DAZAP1: variants seen among roughly 807,000 people sequenced by gnomAD.
DAZAP1 encodes the protein DAZ associated protein 1.
Under a neutral mutation model 60.1 loss-of-function variants are expected in DAZAP1, and 6 were observed. The observed-to-expected ratio is 0.10, with a 90% CI of 0.05 to 0.20. DAZAP1 has a LOEUF of 0.20. DAZAP1 is among the 10% of genes least tolerant of loss of function. The probability of loss-of-function intolerance (pLI) is 1.00; values close to 1 mark genes in which losing one functional copy is unlikely to be tolerated. For missense variants in DAZAP1, 366 were observed against 560.4 expected (o/e 0.65, Z 3.50); for synonymous variants, 235 against 215.9 (o/e 1.09, Z -0.78).
chr19:1,407,965 T>C (rs2082712313), intron 1 of DAZAP1, among the ~76,000 whole-genome samples, 163 bp downstream of exon 1: 1 of 150,780 alleles, frequency 6.6e-6, no homozygotes, highest in Non-Finnish European at 1.5e-5. Context: ...CCGGGGGCCC[T>C]GGACGGGTGC....
rs2083179135 is a variant in DAZAP1, at chr19:1,422,255, A to G, written c.415-93A>G. Reference sequence around the variant, plus strand: ...GCTCAGGGAGGGCGCACCCTGTGCGAGAGTTTGGGTTCGTGGGAACAGGCT... The same window carrying G: ...GCTCAGGGAGGGCGCACCCTGTGCGGGAGTTTGGGTTCGTGGGAACAGGCT... On this transcript the variant is annotated intron_variant, in intron 5 of 11. Transcript: ENST00000233078. This position sits in a 1 kb window ranked among gnomAD's most constrained non-coding sequence, Gnocchi z 4.5. 4 of 1,195,178 alleles carry G rather than the reference A, an allele frequency of 3.3e-6. No homozygotes were observed. The highest frequency in any genetic ancestry group is 2.5e-6 in the Non-Finnish European group (2 of 809,670). The allele number at this position is 1,195,178 out of a possible 1,614,324, so 74.0% of individuals were successfully genotyped here.
At chr19:1,417,627 T>C in intron 2 of DAZAP1, 87 bp downstream of exon 2, 1 of 1,248,674 alleles carries the variant, frequency 8.0e-7, no homozygotes, top group East Asian at 2.5e-5. Flanking sequence ...CTCTTGCTAC[T>C]GTCTTGGATA....
At position 1,425,163 on chromosome 19, in the gene DAZAP1, A is replaced by G. The variant is rs955299887; in HGVS notation, c.464-715A>G. 3.3e-5 allele frequency among the ~76,000 whole-genome samples: 5 copies of G among 152,292 alleles called. No individual in the cohort carries two copies. The highest frequency in any genetic ancestry group is 9.6e-5 in the African/African-American group (4 of 41,542). ...CTTTGTGCATTGTTTCTCTACCTGT[A>G]TAGAACATGCATAGATGTCTACGAT... On this transcript the variant is annotated intron_variant, in intron 6 of 11. Coordinates refer to ENST00000233078, the MANE Select transcript of DAZAP1 (RefSeq NM_018959.4). The surrounding 1 kb of genome is among the most constrained non-coding windows in gnomAD (Gnocchi z 5.4).
At chr19:1,420,338 G>A (rs1162948900) in intron 4 of DAZAP1, among the ~76,000 whole-genome samples, 2 of 82,080 alleles carry the variant, frequency 2.4e-5, no homozygotes, top group African/African-American at 4.9e-5. Flanking sequence ...AAACCACCCC[G>A]AACGTCACGG....
At chr19:1,429,028 TC>T (rs745675151) in intron 8 of DAZAP1, 33 bp downstream of exon 8, 477 of 1,539,338 alleles carry the variant, frequency 3.1e-4, no homozygotes, top group Admixed American at 4.4e-4. Context: ...CACGGGAATG[TC>T]CCCCTTCTCG....
Position 1,425,638 on chromosome 19 carries a change from C to T in DAZAP1, c.464-240C>T, listed in dbSNP as rs2083288948. ...CGGGGTGTCTGGGGCGGAGGCTTGA[C>T]TCAGGCCTCAGTCAGCAGAGCCGTC... On this transcript the variant is annotated intron_variant, in intron 6 of 11. Coordinates refer to ENST00000233078, the MANE Select transcript of DAZAP1 (RefSeq NM_018959.4). The surrounding 1 kb of genome is among the most constrained non-coding windows in gnomAD (Gnocchi z 5.4). Among the ~76,000 whole-genome samples the T allele has an allele frequency of 6.6e-6, 1 of 152,200 alleles. No homozygotes were observed. The highest frequency in any genetic ancestry group is 2.1e-4 in the South Asian group (1 of 4,838).
chr19:1,421,279 G>T, intron 5 of DAZAP1, 21 bp downstream of exon 5: 2 of 1,599,334 alleles, frequency 1.3e-6, no homozygotes, highest in Non-Finnish European at 1.7e-6. Context: ...CCCCACCCCG[G>T]CAGCACTGTG....
rs2083559782 is a variant in DAZAP1, at chr19:1,434,937, G to A, written c.*25G>A. 10 of 1,261,594 alleles carry A rather than the reference G, an allele frequency of 7.9e-6. No individual in the cohort carries two copies. The highest frequency in any genetic ancestry group is 3.7e-5 in the South Asian group (2 of 54,424). The allele number at this position is 1,261,594 out of a possible 1,614,324, so 78.1% of individuals were successfully genotyped here. A position where few individuals can be genotyped will look rare whatever the true frequency, so the allele number is the denominator to read the frequency against. On this transcript the variant is annotated 3_prime_UTR_variant, in exon 12 of 12. Transcript: ENST00000233078. The surrounding 1 kb of genome is among the most constrained non-coding windows in gnomAD (Gnocchi z 8.0). The stretch of plus-strand genomic sequence containing the variant: ...GCCCGCGGCGCCGCGACGTCTGCAC[G>A]GCCCAGACCCAGGATTCCAAACTTG...
Position 1,423,147 on chromosome 19 carries a change from G to A in DAZAP1, c.463+751G>A, listed in dbSNP as rs906582626. ...ACGTCCGTGCCGCCCCCGCACCACC[G>A]GCCCAGGTCAGTCGGGGCAGCCCCG... On this transcript the variant is annotated intron_variant, in intron 6 of 11. Transcript: ENST00000233078. The surrounding 1 kb of genome is among the most constrained non-coding windows in gnomAD (Gnocchi z 6.8). Among the ~76,000 whole-genome samples the A allele has an allele frequency of 2.0e-5, 3 of 151,630 alleles. No homozygotes were observed. Among genetic ancestry groups the A allele is most frequent in the South Asian group, 4.2e-4 (2 of 4,788 alleles).
At position 1,418,432 on chromosome 19, in the gene DAZAP1, T is replaced by G; in HGVS notation, c.237+62T>G. 6.3e-7 allele frequency: 1 copy of G among 1,579,018 alleles called. No individual in the cohort carries two copies. The highest frequency in any genetic ancestry group is 8.7e-7 in the Non-Finnish European group (1 of 1,154,140). On this transcript the variant is annotated intron_variant, in intron 3 of 11. Transcript: ENST00000233078. The surrounding 1 kb of genome is among the most constrained non-coding windows in gnomAD (Gnocchi z 5.7). The stretch of plus-strand genomic sequence containing the variant: ...TCTCCCCTGTCCTTCCTCTGCTTCA[T>G]TTTTTCCTGGACTCTGACCGATGTT...
In DAZAP1 at chr19:1,434,967, C is replaced by T. The variant is rs1356164166; in HGVS notation, c.*55C>T. On this transcript the variant is annotated 3_prime_UTR_variant, in exon 12 of 12. Coordinates refer to ENST00000233078, the MANE Select transcript of DAZAP1 (RefSeq NM_018959.4). This position sits in a 1 kb window ranked among gnomAD's most constrained non-coding sequence, Gnocchi z 8.0. ...AGACCCAGGATTCCAAACTTGTGAA[C>T]TCGTGACAATCACAAACTTGGCGGC... is the stretch of plus-strand genomic sequence containing the variant. The T allele has an allele frequency of 8.4e-7, 1 of 1,184,540 alleles. No individual in the cohort carries two copies. Among genetic ancestry groups the T allele is most frequent in the East Asian group, 3.5e-5 (1 of 28,404 alleles). The allele number at this position is 1,184,540 out of a possible 1,614,324, so 73.4% of individuals were successfully genotyped here.
chr19:1,414,800 A>G (rs968762320), intron 1 of DAZAP1, among the ~76,000 whole-genome samples: 3 of 151,560 alleles, frequency 2.0e-5, no homozygotes, highest in African/African-American at 7.3e-5. Context: ...TTATTTTTTT[A>G]ATTTTATTTA....
At chr19:1,420,338 G>T (rs1162948900) in intron 4 of DAZAP1, among the ~76,000 whole-genome samples, 1 of 82,122 alleles carries the variant, frequency 1.2e-5, no homozygotes, top group African/African-American at 4.9e-5. Flanking sequence ...AAACCACCCC[G>T]AACGTCACGG....
At chr19:1,419,899 C>A (rs566366022) in intron 4 of DAZAP1, among the ~76,000 whole-genome samples, 1 of 141,810 alleles carries the variant, frequency 7.1e-6, no homozygotes, top group African/African-American at 2.7e-5. Flanking sequence ...CGCACACACT[C>A]ATGAAACCAT....
At chr19:1,427,821 G>A (rs931448089) in intron 7 of DAZAP1, 3 of 152,310 alleles carry the variant, frequency 2.0e-5, no homozygotes, top group Non-Finnish European at 4.4e-5. Context: ...TTCTCTAACA[G>A]GCAGAACTGA....
Position 1,433,170 on chromosome 19 carries a change from G to T in DAZAP1, c.1048+480G>T, listed in dbSNP as rs1431625538. ...CTTCACCCTGGACTGGATGGCTGTC[G>T]TGGCTTGGGTCTGCCTGGACGTGAT... On this transcript the variant is annotated intron_variant, in intron 11 of 11. Coordinates refer to ENST00000233078, the MANE Select transcript of DAZAP1 (RefSeq NM_018959.4). The surrounding 1 kb of genome is among the most constrained non-coding windows in gnomAD (Gnocchi z 6.1). 4 of 182,468 alleles carry T rather than the reference G, an allele frequency of 2.2e-5. No individual in the cohort carries two copies. The highest frequency in any genetic ancestry group is 4.6e-5 in the Non-Finnish European group (4 of 86,658). 11.3% of individuals were successfully genotyped at this position (182,468 alleles called of 1,614,324 possible).
intron 1 of DAZAP1, among the ~76,000 whole-genome samples, chr19:1,415,221 G>A (rs1034850790): frequency 1.3e-5 from 2 of 152,024 alleles, no homozygotes; most frequent in African/African-American, 2.4e-5. Context: ...CTGCCAGTGA[G>A]GTGGGGGTGG....
Position 1,433,753 on chromosome 19 carries a change from T to C in DAZAP1, c.1049-984T>C, listed in dbSNP as rs1207735846. On this transcript the variant is annotated intron_variant, in intron 11 of 11. Coordinates refer to ENST00000233078, the MANE Select transcript of DAZAP1 (RefSeq NM_018959.4). The surrounding 1 kb of genome is among the most constrained non-coding windows in gnomAD (Gnocchi z 6.1). ...TCTCTTGCCAGGCCTGGGTTCCTATTCTCCAGCCCCGCCGGGCTGCGGCCC... is the reference window on the plus strand; with the variant it reads ...TCTCTTGCCAGGCCTGGGTTCCTATCCTCCAGCCCCGCCGGGCTGCGGCCC... 2 of 1,613,860 alleles carry C rather than the reference T, an allele frequency of 1.2e-6. No individual in the cohort carries two copies. The highest frequency in any genetic ancestry group is 3.3e-5 in the Admixed American group (2 of 60,020).
intron 2 of DAZAP1, 66 bp downstream of exon 2, chr19:1,417,606 T>C (rs2083025472): frequency 2.6e-5 from 37 of 1,429,740 alleles, no homozygotes; most frequent in Non-Finnish European, 3.6e-5. Context: ...CTTCAAGTTG[T>C]GTCTGCCCGC....
Sources: allele counts gnomAD v4.1 joint callset (sites outside exome capture counted in the v4.1 genomes callset), GRCh38; gene constraint gnomAD v4.1.1; non-coding constraint Gnocchi (gnomAD v3.1); transcripts MANE v1.5; gene names NCBI Gene and HGNC (gene_info 2026-07-23, HGNC 2026-07-21).